The following PIK3R3 variants were observed in gnomAD, a reference collection of about 807,000 sequenced individuals.
PIK3R3 encodes the protein phosphatidylinositol 3-kinase regulatory subunit gamma.
In PIK3R3, 64 loss-of-function variants were observed where a neutral mutation model predicts 62.9. That is an observed-to-expected ratio of 1.02 (90% CI 0.83 to 1.25). PIK3R3 has a LOEUF of 1.25. Among genes scored for constraint, PIK3R3 ranks in the 50% most tolerant of loss-of-function variants. The pLI is 0.00. For missense variants in PIK3R3, 614 were observed against 561.6 expected, an observed-to-expected ratio of 1.09 and a Z score of -0.94; for synonymous variants, 165 against 189.0, an observed-to-expected ratio of 0.87 and a Z score of 1.04.
Position 46,043,674 on chromosome 1 carries a change from T to C in PIK3R3, c.1385A>G (p.Ter462=). Residue 462 remains the stop codon, a stop_retained_variant, in exon 10 of 10, where the codon TAA becomes TGA. Transcript: ENST00000262741. Reference sequence around the variant, plus strand: ...ACCACCTCTCTTCCCACTTCCTCTTTATCTGCAAAGCGAGGGCATCTGTGC... The same window carrying C: ...ACCACCTCTCTTCCCACTTCCTCTTCATCTGCAAAGCGAGGGCATCTGTGC... ...VHAQMPSLCR[*] is the part of the protein sequence containing the mutation. 6.2e-7 allele frequency: 1 copy of C among 1,614,020 alleles called. No individual in the cohort carries two copies. The highest frequency in any genetic ancestry group is 8.5e-7 in the Non-Finnish European group (1 of 1,179,880).
At chr1:46,132,689 T>C (rs1300191866), upstream of PIK3R3, 10 of 1,289,654 alleles carry the variant, frequency 7.8e-6, no homozygotes, top group Middle Eastern at 2.1e-4. Context: ...CCCCGCCCCA[T>C]GCTGCCCACC....
In PIK3R3 at chr1:46,042,199, C is replaced by G. The variant is rs1647009336; in HGVS notation, c.*1474G>C. 1 of 223,354 alleles carries G rather than the reference C, an allele frequency of 4.5e-6. No homozygotes were observed. The highest frequency in any genetic ancestry group is 8.9e-6 in the Non-Finnish European group (1 of 111,794). The allele number at this position is 223,354 out of a possible 1,614,324, so 13.8% of individuals were successfully genotyped here. A position where few individuals can be genotyped will look rare whatever the true frequency, so the allele number is the denominator to read the frequency against. ...GGCATGATGGGGGCAGGAATAGATG[C>G]CTGCCCCCACTCCATTTGCCTAGCT... On this transcript the variant is annotated 3_prime_UTR_variant, in exon 10 of 10. Transcript: ENST00000262741. This position sits in a 1 kb window ranked among gnomAD's most constrained non-coding sequence, Gnocchi z 4.3.
At chr1:46,164,399 G>T in the PIK3R3 span, among the ~76,000 whole-genome samples, 1 of 151,928 alleles carries the variant, frequency 6.6e-6, no homozygotes, top group African/African-American at 2.4e-5. Flanking sequence ...TTCATACCAC[G>T]ATCCCTCTCC....
intron 7 of PIK3R3, among the ~76,000 whole-genome samples, chr1:46,052,673 T>TAA (rs1432669354): frequency 1.3e-5 from 2 of 152,220 alleles, no homozygotes; most frequent in Non-Finnish European, 2.9e-5. Context: ...TCATCATAGA[T>TAA]AGGTTTTACC....
the PIK3R3 span, among the ~76,000 whole-genome samples, chr1:46,164,808 A>G: frequency 4.6e-5 from 7 of 151,534 alleles, no homozygotes; most frequent in African/African-American, 1.2e-4. Flanking sequence ...TCCCTCTGTC[A>G]TTAACATCCT....
chr1:46,076,451 A>G (rs1035815463), intron 3 of PIK3R3, among the ~76,000 whole-genome samples: 2 of 152,256 alleles, frequency 1.3e-5, no homozygotes, highest in Admixed American at 6.5e-5. Flanking sequence ...AGTGTTTAGC[A>G]GTCTCCGTGG....
At chr1:46,153,969 G>T in the PIK3R3 span, among the ~76,000 whole-genome samples, 2 of 152,188 alleles carry the variant, frequency 1.3e-5, no homozygotes, top group Non-Finnish European at 2.9e-5. Flanking sequence ...GATCTAGAAG[G>T]ATAAGTAAGA....
chr1:46,044,077 TTTC>T lies in PIK3R3; in HGVS notation c.1188-209_1188-207del, dbSNP rs1647050642. Among the ~76,000 whole-genome samples the T allele has an allele frequency of 8.2e-6, 1 of 121,440 alleles. No individual in the cohort carries two copies. The highest frequency in any genetic ancestry group is 8.8e-5 in the Admixed American group (1 of 11,316). 79.7% of individuals were successfully genotyped at this position (121,440 alleles called of 152,430 possible). A position where few individuals can be genotyped will look rare whatever the true frequency, so the allele number is the denominator to read the frequency against. On this transcript the variant is annotated intron_variant, in intron 9 of 9. Transcript: ENST00000262741. This position sits in a 1 kb window ranked among gnomAD's most constrained non-coding sequence, Gnocchi z 4.2. ...AACCACAAATGTAAGGGTTTATTTA[TTTC>T]TTTTTTTTTTTTTTAGACAGGGTCT... is the stretch of plus-strand genomic sequence containing the variant.
At chr1:46,074,283 C>G (rs1216762560) in intron 3 of PIK3R3, among the ~76,000 whole-genome samples, 22 of 74,016 alleles carry the variant, frequency 3.0e-4, no homozygotes, top group African/African-American at 1.2e-3. Context: ...AGCTAGACTC[C>G]GTCAAAAAAA....
chr1:46,137,388 T>A (rs554336363), upstream of PIK3R3, among the ~76,000 whole-genome samples: 1 of 152,328 alleles, frequency 6.6e-6, no homozygotes, highest in East Asian at 1.9e-4. Context: ...CCAAAAACAG[T>A]GCTGATCTCT....
chr1:46,105,071 ACTTTCTC>A lies in PIK3R3; in HGVS notation c.107-24328_107-24322del, dbSNP rs1427995504. 1.2e-4 allele frequency: 92 copies of A among 748,858 alleles called. 1 individual carries two copies. Among genetic ancestry groups the A allele is most frequent in the South Asian group, 6.8e-4 (50 of 73,592 alleles). 46.4% of individuals were successfully genotyped at this position (748,858 alleles called of 1,614,324 possible). A position where few individuals can be genotyped will look rare whatever the true frequency, so the allele number is the denominator to read the frequency against. On this transcript the variant is annotated intron_variant, in intron 1 of 9. Coordinates refer to ENST00000262741, the MANE Select transcript of PIK3R3 (RefSeq NM_003629.4). ...TAATGCTGTATTAGCTAGTGGAGCC[ACTTTCTC>A]TATTGCTGTATGGACTTATGTAGCA...
At chr1:46,095,085 A>G (rs1412588939) in intron 1 of PIK3R3, among the ~76,000 whole-genome samples, 1 of 152,182 alleles carries the variant, frequency 6.6e-6, no homozygotes, top group Non-Finnish European at 1.5e-5. Context: ...TTCCTCAAAG[A>G]CCTAAAGGCA....
At chr1:46,169,590 T>C in the PIK3R3 span, among the ~76,000 whole-genome samples, 1 of 152,128 alleles carries the variant, frequency 6.6e-6, no homozygotes, top group African/African-American at 2.4e-5. Flanking sequence ...AGAGATGGGA[T>C]AGAACTTGCC....
chr1:46,122,063 C>T (rs1449672589), intron 1 of PIK3R3, among the ~76,000 whole-genome samples: 3 of 150,556 alleles, frequency 2.0e-5, no homozygotes, highest in Admixed American at 6.6e-5. Context: ...GGCAACAGAG[C>T]GAGACTCCAT....
chr1:46,087,120 G>T (rs1651137544), intron 1 of PIK3R3, among the ~76,000 whole-genome samples: 1 of 152,208 alleles, frequency 6.6e-6, no homozygotes, highest in East Asian at 1.9e-4. Context: ...CCCGTCGTGT[G>T]TGGGGGAATG....
At chr1:46,172,465 C>A in the PIK3R3 span, among the ~76,000 whole-genome samples, 4 of 152,196 alleles carry the variant, frequency 2.6e-5, no homozygotes, top group South Asian at 2.1e-4. Context: ...CCTCCACTTC[C>A]CAGGTTTAAG....
At chr1:46,122,745 T>C (rs566014298) in intron 1 of PIK3R3, among the ~76,000 whole-genome samples, 3 of 152,298 alleles carry the variant, frequency 2.0e-5, no homozygotes, top group East Asian at 1.9e-4. Context: ...ACATTAAGTA[T>C]TGCATTTTTT....
At chr1:46,102,559 G>T (rs1010236511) in intron 1 of PIK3R3, among the ~76,000 whole-genome samples, 2 of 151,912 alleles carry the variant, frequency 1.3e-5, no homozygotes, top group Non-Finnish European at 1.5e-5. Context: ...AATTATGATT[G>T]TCTATAAATG....
intron 7 of PIK3R3, among the ~76,000 whole-genome samples, chr1:46,052,315 G>A (rs956368302): frequency 2.0e-5 from 3 of 152,052 alleles, no homozygotes. Flanking sequence ...ACCGCAGTAA[G>A]CAAAACCATG....
Sources: gnomAD v4.1 joint callset for allele counts (sites outside exome capture counted in the v4.1 genomes callset) on GRCh38, gnomAD v4.1.1 for gene constraint, Gnocchi (gnomAD v3.1) non-coding constraint, MANE v1.5 for transcripts, NCBI Gene and HGNC (gene_info 2026-07-23, HGNC 2026-07-21) for gene names.